The following PTPRT variants were observed in gnomAD, a reference collection of about 807,000 sequenced individuals.
PTPRT encodes the protein receptor-type tyrosine-protein phosphatase T.
A neutral mutation model predicts 176.8 loss-of-function variants in PTPRT; 56 were observed. The observed-to-expected ratio is 0.32, with a 90% CI of 0.26 to 0.40. The LOEUF is 0.40. Among genes scored for constraint, PTPRT ranks in the 10% least tolerant of loss-of-function variants. The probability of loss-of-function intolerance (pLI) is 1.00; values close to 1 mark genes in which losing one functional copy is unlikely to be tolerated. For missense variants in PTPRT, 1,540 were observed against 1,908.2 expected, an observed-to-expected ratio of 0.81 and a Z score of 3.60; for synonymous variants, 783 against 739.0, an observed-to-expected ratio of 1.06 and a Z score of -0.96.
At chr20:42,586,198 C>T (rs550580857) in intron 7 of PTPRT, among the ~76,000 whole-genome samples, 2 of 152,272 alleles carry the variant, frequency 1.3e-5, no homozygotes, top group Non-Finnish European at 2.9e-5. Flanking sequence ...ACATAAGCGC[C>T]TCCAAATTGC....
intron 7 of PTPRT, among the ~76,000 whole-genome samples, chr20:42,541,603 C>T (rs1177191558): frequency 6.8e-6 from 1 of 147,028 alleles, no homozygotes; most frequent in Non-Finnish European, 1.5e-5. Flanking sequence ...AGCTGAGTAG[C>T]CATATAGGAA....
intron 1 of PTPRT, among the ~76,000 whole-genome samples, chr20:43,040,052 A>C: frequency 1.3e-5 from 2 of 152,098 alleles, no homozygotes; most frequent in East Asian, 3.8e-4. Flanking sequence ...AAAAAAAAGG[A>C]ATAAAGAAGA....
chr20:43,029,397 C>T lies in PTPRT; in HGVS notation c.89-143465G>A, dbSNP rs142249424. Among the ~76,000 whole-genome samples the T allele has an allele frequency of 6.6e-5, 10 of 152,324 alleles. No individual in the cohort carries two copies. The East Asian group carries it at 1.2e-3, about 18-fold the overall frequency. ...GTGCTTCGGCTTTCATCACCAACTTCGGCAGCAGAGAATATGGCATCACGC... is the reference window on the plus strand; with the variant it reads ...GTGCTTCGGCTTTCATCACCAACTTTGGCAGCAGAGAATATGGCATCACGC... On this transcript the variant is annotated intron_variant, in intron 1 of 30. Coordinates refer to ENST00000373187, the MANE Select transcript of PTPRT (RefSeq NM_007050.6).
At chr20:42,184,123 A>T (rs6093588) in intron 16 of PTPRT, among the ~76,000 whole-genome samples, 51,030 of 151,934 alleles carry the variant, frequency 0.34, 9,015 homozygotes, top group East Asian at 0.38. Flanking sequence ...TGTCACAGTC[A>T]TCTCCAGCCA....
chr20:42,418,473 G>C (rs2059086660), intron 9 of PTPRT, among the ~76,000 whole-genome samples: 1 of 152,018 alleles, frequency 6.6e-6, no homozygotes, highest in Admixed American at 6.6e-5. Context: ...CCATGAGTTA[G>C]AAAACAATGT....
chr20:42,244,234 A>T (rs1157706609), intron 14 of PTPRT, among the ~76,000 whole-genome samples: 1 of 152,238 alleles, frequency 6.6e-6, no homozygotes, highest in Non-Finnish European at 1.5e-5. Context: ...TCTCTGTCCC[A>T]TTAGACTGAG....
chr20:42,576,988 G>T (rs754892077), intron 7 of PTPRT, among the ~76,000 whole-genome samples: 2 of 151,936 alleles, frequency 1.3e-5, no homozygotes, highest in Non-Finnish European at 2.9e-5. Flanking sequence ...GAATGGTCAG[G>T]GACAATGTCA....
intron 8 of PTPRT, among the ~76,000 whole-genome samples, chr20:42,456,259 A>G (rs2070922597): frequency 1.3e-5 from 2 of 152,036 alleles, no homozygotes; most frequent in Admixed American, 1.3e-4. Flanking sequence ...CAAACATGCT[A>G]TATTCTTATA....
intron 6 of PTPRT, among the ~76,000 whole-genome samples, chr20:42,743,641 G>T (rs2076645761): frequency 2.0e-5 from 3 of 152,130 alleles, no homozygotes; most frequent in Admixed American, 6.5e-5. Flanking sequence ...GAGAATGAAG[G>T]CCACATCTCT....
chr20:43,013,312 C>T (rs549751951), intron 1 of PTPRT, among the ~76,000 whole-genome samples: 21 of 152,178 alleles, frequency 1.4e-4, no homozygotes, highest in Admixed American at 8.5e-4. Context: ...CTCAAAGCAT[C>T]GAGAGCTTCA....
chr20:42,485,550 A>G (rs1215010607), intron 7 of PTPRT, among the ~76,000 whole-genome samples: 3 of 152,200 alleles, frequency 2.0e-5, no homozygotes, highest in African/African-American at 4.8e-5. Context: ...AACAAAAGTA[A>G]TATCTCCTAA....
chr20:42,125,724 C>T (rs1364999003), intron 19 of PTPRT, among the ~76,000 whole-genome samples: 1 of 152,188 alleles, frequency 6.6e-6, no homozygotes, highest in East Asian at 1.9e-4. Flanking sequence ...AAAGCAATTT[C>T]GTTTGTTGCC....
chr20:42,282,160 C>A (rs1448239885), intron 13 of PTPRT, among the ~76,000 whole-genome samples: 2 of 151,920 alleles, frequency 1.3e-5, no homozygotes, highest in Non-Finnish European at 2.9e-5. Flanking sequence ...AAACATAGAC[C>A]CAAATATAAG....
In PTPRT at chr20:42,199,318, C is replaced by T. The variant is rs200990749; in HGVS notation, c.2413G>A (p.Asp805Asn). Residue 805 changes from aspartate to asparagine, a missense_variant, in exon 16 of 31, where the codon GAC (aspartate) becomes AAC (asparagine). This residue lies in a region of PTPRT where 255 missense variants were observed against 250.1 expected (regional missense o/e 1.02). Transcript: ENST00000373187. ...GCGCTGAGCTTGGTGGTGGGTTTGT[C>T]GGCAGAGGCCACAGGCCCCATCTCC... ...QREMGPVASA[D>N]KPTTKLSASR... 163 of 1,614,020 alleles carry T rather than the reference C, an allele frequency of 1.0e-4. 2 individuals carry two copies. The highest frequency in any genetic ancestry group is 1.0e-3 in the South Asian group (91 of 91,086).
At chr20:43,108,543 T>C (rs1176063154) in intron 1 of PTPRT, among the ~76,000 whole-genome samples, 1 of 152,072 alleles carries the variant, frequency 6.6e-6, no homozygotes, top group Non-Finnish European at 1.5e-5. Flanking sequence ...AATAGAGAAC[T>C]GAAACATGTG....
At position 42,999,615 on chromosome 20, in the gene PTPRT, T is replaced by TTGTTG. The variant is rs1555815039; in HGVS notation, c.89-113684_89-113683insCAACA. 5.2e-4 allele frequency among the ~76,000 whole-genome samples: 79 copies of TTGTTG among 150,554 alleles called. 1 individual carries two copies. The Middle Eastern group carries it at 0.017, about 33-fold the overall frequency. ...TAAAAAAAAAACTTGTGGTTTTTTT[T>TTGTTG]TTGTTGTTGTTGTTGTTGTGGTGGT... On this transcript the variant is annotated intron_variant, in intron 1 of 30. Coordinates refer to ENST00000373187, the MANE Select transcript of PTPRT (RefSeq NM_007050.6).
intron 7 of PTPRT, among the ~76,000 whole-genome samples, chr20:42,586,164 G>A (rs1238218133): frequency 6.6e-6 from 1 of 151,874 alleles, no homozygotes; most frequent in African/African-American, 2.4e-5. Flanking sequence ...TTGTTCTCAT[G>A]AAATATGCAC....
intron 7 of PTPRT, among the ~76,000 whole-genome samples, chr20:42,606,345 G>A (rs887445758): frequency 6.6e-6 from 1 of 152,186 alleles, no homozygotes; most frequent in African/African-American, 2.4e-5. Context: ...GCCAATCTGA[G>A]GGCAAGAGAA....
chr20:42,471,475 G>A (rs2071196736), intron 8 of PTPRT, among the ~76,000 whole-genome samples: 1 of 152,154 alleles, frequency 6.6e-6, no homozygotes, highest in Non-Finnish European at 1.5e-5. Flanking sequence ...TGGCCACGTA[G>A]TGTTCCTGCT....
Sources: allele counts gnomAD v4.1 joint callset (sites outside exome capture counted in the v4.1 genomes callset), GRCh38; gene constraint gnomAD v4.1.1; regional missense constraint gnomAD v4.1.1; transcripts MANE v1.5; gene names NCBI Gene and HGNC (gene_info 2026-07-23, HGNC 2026-07-21).